CSMD2: variants seen among roughly 807,000 people sequenced by gnomAD.
The protein encoded by CSMD2 is CUB and Sushi multiple domains 2.
A neutral mutation model predicts 398.5 loss-of-function variants in CSMD2; 130 were observed. The ratio of observed to expected loss-of-function variants is 0.33; its 90% confidence interval spans 0.28 to 0.38. The LOEUF is 0.38. Among genes scored for constraint, CSMD2 ranks in the 10% least tolerant of loss-of-function variants. The pLI, the probability that CSMD2 is intolerant of heterozygous loss-of-function variation, is 1.00. For synonymous variants in CSMD2, 1,828 were observed against 1,908.5 expected (o/e 0.96, Z 1.10); for missense variants, 3,829 against 4,764.9 (o/e 0.80, Z 5.78).
At chr1:33,617,852 G>A (rs1442343044) in intron 37 of CSMD2, among the ~76,000 whole-genome samples, 1 of 152,168 alleles carries the variant, frequency 6.6e-6, no homozygotes, top group Non-Finnish European at 1.5e-5. Context: ...GAAGGTGGGT[G>A]TGATCCCAGG....
Position 33,709,233 on chromosome 1 carries a change from G to A in CSMD2, c.3432C>T (p.Gly1144=), listed in dbSNP as rs1236089349. The A allele has an allele frequency of 3.1e-6, 5 of 1,613,546 alleles. No individual in the cohort carries two copies. The highest frequency in any genetic ancestry group is 2.2e-5 in the East Asian group (1 of 44,890). The part of the protein sequence containing the change: ...CVAECGNSVT[G]TQGTLLSPNF... ...TGGGGGACAGCAAAGTACCCTGAGT[G>A]CCTGTGACTGAATTCCCACACTCAG... Residue 1144 remains glycine, a synonymous_variant, in exon 22 of 71, where the codon GGC becomes GGT. Transcript: ENST00000373381.
chr1:33,923,348 CCTCTCTTG>C lies in CSMD2; in HGVS notation c.713-5055_713-5048del, dbSNP rs547430331. Among the ~76,000 whole-genome samples the C allele has an allele frequency of 1.5e-4, 23 of 152,152 alleles. No homozygotes were observed. The South Asian group carries it at 4.6e-3, about 30-fold the overall frequency. Reference sequence around the variant, plus strand: ...ATTGTGTGGCACCTCTCCCTCACTCCCTCTCTTGCTCTTGCTCTGGTCATGTGAAGTGC... The same window carrying C: ...ATTGTGTGGCACCTCTCCCTCACTCCCTCTTGCTCTGGTCATGTGAAGTGC... On this transcript the variant is annotated intron_variant, in intron 4 of 70. Transcript: ENST00000373381.
chr1:34,068,959 A>T (rs538614680), intron 2 of CSMD2, among the ~76,000 whole-genome samples: 1 of 152,180 alleles, frequency 6.6e-6, no homozygotes, highest in African/African-American at 2.4e-5. Flanking sequence ...AAGTCCATTA[A>T]ACCTCTTTCT....
chr1:33,615,242 A>G (rs1641308611), intron 39 of CSMD2, among the ~76,000 whole-genome samples: 1 of 152,202 alleles, frequency 6.6e-6, no homozygotes, highest in Admixed American at 6.5e-5. Context: ...ATGCCAATCA[A>G]GGTGAATTCA....
intron 25 of CSMD2, among the ~76,000 whole-genome samples, chr1:33,675,104 A>C (rs1167187445): frequency 1.3e-5 from 2 of 152,224 alleles, no homozygotes; most frequent in African/African-American, 4.8e-5. Flanking sequence ...GAAATAACTA[A>C]GATCAGGGCA....
intron 5 of CSMD2, among the ~76,000 whole-genome samples, chr1:33,881,084 C>T (rs1641206181): frequency 6.6e-6 from 1 of 152,120 alleles, no homozygotes; most frequent in Non-Finnish European, 1.5e-5. Flanking sequence ...GAGACATGTA[C>T]CCATAAGCAA....
At chr1:33,684,748 C>A (rs577441346) in intron 25 of CSMD2, among the ~76,000 whole-genome samples, 30 of 152,342 alleles carry the variant, frequency 2.0e-4, no homozygotes, top group African/African-American at 4.8e-4. Flanking sequence ...ATGGTGAGCT[C>A]CTACTGTTCT....
chr1:34,092,928 C>T (rs1658807235), intron 1 of CSMD2, among the ~76,000 whole-genome samples: 1 of 152,064 alleles, frequency 6.6e-6, no homozygotes. Context: ...GGCCTGCCTG[C>T]CTCTGTAGGC....
chr1:34,016,399 G>A (rs1259109767), intron 3 of CSMD2, among the ~76,000 whole-genome samples: 2 of 151,826 alleles, frequency 1.3e-5, no homozygotes, highest in Non-Finnish European at 2.9e-5. Context: ...GTGAGAACAT[G>A]CGGTGTTGGT....
intron 1 of CSMD2, among the ~76,000 whole-genome samples, chr1:34,129,832 C>T (rs1196531534): frequency 6.6e-6 from 1 of 152,172 alleles, no homozygotes; most frequent in East Asian, 1.9e-4. Context: ...GCCTGGCCTG[C>T]AGAGTCAGAC....
rs1158453699 is a variant in CSMD2 at position 33,685,740 on chromosome 1, T to A, written c.4052+7190A>T. ...CCTCTACAGTCCCAGGCAGAACTCC[T>A]CTCTCTCTTCTCTGTTACTGAACTC... On this transcript the variant is annotated intron_variant, in intron 25 of 70. Transcript: ENST00000373381. Among the ~76,000 whole-genome samples, 3 of 152,142 alleles carry A rather than the reference T, an allele frequency of 2.0e-5. No homozygotes were observed. The East Asian group carries it at 5.8e-4, about 29-fold the overall frequency.
chr1:33,690,060 C>G (rs148734699), intron 25 of CSMD2, among the ~76,000 whole-genome samples: 1 of 152,148 alleles, frequency 6.6e-6, no homozygotes, highest in Non-Finnish European at 1.5e-5. Flanking sequence ...TTCCTCACTG[C>G]GCTTACCGGC....
chr1:33,610,264 GA>G (rs550681156), intron 41 of CSMD2, among the ~76,000 whole-genome samples: 19 of 149,508 alleles, frequency 1.3e-4, no homozygotes, highest in African/African-American at 4.7e-4. Flanking sequence ...ATTAGTATTG[GA>G]AAAAAAATCT....
At chr1:34,016,047 G>A (rs1181025009) in intron 3 of CSMD2, among the ~76,000 whole-genome samples, 4 of 148,706 alleles carry the variant, frequency 2.7e-5, no homozygotes, top group Admixed American at 2.7e-4. Context: ...GTGTGTGTAT[G>A]TGTGTATTTA....
chr1:33,864,097 C>G, intron 5 of CSMD2: 1 of 1,247,410 alleles, frequency 8.0e-7, no homozygotes, highest in African/African-American at 1.5e-5. Context: ...AAATTCGCTG[C>G]AAGTACAGCA....
chr1:33,749,802 A>T (rs1647961358), intron 13 of CSMD2, among the ~76,000 whole-genome samples: 1 of 152,250 alleles, frequency 6.6e-6, no homozygotes, highest in African/African-American at 2.4e-5. Flanking sequence ...CAAAATTAGC[A>T]TGAAGGGAAA....
intron 5 of CSMD2, among the ~76,000 whole-genome samples, chr1:33,886,004 G>T (rs1343270378): frequency 1.3e-5 from 2 of 152,026 alleles, no homozygotes. Context: ...TATGCATATC[G>T]AGTGCTTAGC....
At position 33,611,178 on chromosome 1, in the gene CSMD2, T is replaced by C. The variant is rs1201706123; in HGVS notation, c.6206A>G (p.Tyr2069Cys). The change falls in exon 41 of 71, where the codon TAT becomes TGT. Residue 2069 changes from tyrosine (Y) to cysteine (C), a missense_variant. Physicochemically the swap from Tyr to Cys is radical, Grantham distance 194 (BLOSUM62 -2). This residue lies in a region of CSMD2 where 2,001 missense variants were observed against 2,567.1 expected (regional missense o/e 0.78). Transcript: ENST00000373381. ...TCTTCCCATCATGCGGCTGGTCTCA[T>C]AGGGGCCATTCCGGATTTCTATGTA... ...HDYIEIRNGPYETSRMMGRFS... is the reference protein window; with the variant it reads ...HDYIEIRNGPCETSRMMGRFS... The C allele has an allele frequency of 1.7e-5, 28 of 1,613,870 alleles. No individual in the cohort carries two copies. Among genetic ancestry groups the C allele is most frequent in the Middle Eastern group, 1.6e-4 (1 of 6,084 alleles).
intron 49 of CSMD2, among the ~76,000 whole-genome samples, chr1:33,575,540 G>A (rs184173925): frequency 1.4e-4 from 21 of 152,118 alleles, no homozygotes; most frequent in Admixed American, 1.4e-3. Flanking sequence ...TAGAGGAAGG[G>A]CATCAGTGGG....
Sources: gnomAD v4.1 joint callset for allele counts (sites outside exome capture counted in the v4.1 genomes callset) on GRCh38, gnomAD v4.1.1 for gene constraint, gnomAD v4.1.1 regional missense constraint, MANE v1.5 for transcripts, NCBI Gene and HGNC (gene_info 2026-07-23, HGNC 2026-07-21) for gene names.